BTD: variants seen among roughly 807,000 people sequenced by gnomAD.
BTD encodes the protein biotinidase, also known as biocytinase.
BTD carries 13 observed loss-of-function variants against 17.7 expected under a neutral mutation model. That is an observed-to-expected ratio of 0.74 (90% CI 0.48 to 1.17). The LOEUF (loss-of-function observed/expected upper bound fraction) is 1.17. Ranked by LOEUF, BTD falls within the 50% of genes most tolerant of loss-of-function variation. The pLI is 0.00. For synonymous variants in BTD, 240 were observed against 245.2 expected, an observed-to-expected ratio of 0.98 and a Z score of 0.20; for missense variants, 674 against 650.4, an observed-to-expected ratio of 1.04 and a Z score of -0.39.
At position 15,635,951 on chromosome 3, in the gene BTD, G is replaced by A. The variant is rs2065336852; in HGVS notation, c.249+263G>A. On this transcript the variant is annotated intron_variant, in intron 2 of 3. Coordinates refer to ENST00000643237, the MANE Select transcript of BTD (RefSeq NM_001370658.1). The surrounding 1 kb of genome is among the most constrained non-coding windows in gnomAD (Gnocchi z 4.1). ...CTACTGAATCAGAATGTGCATTGCA[G>A]CAGGATCCCCAGGTGATGCTTTCAC... Among the ~76,000 whole-genome samples, 1 of 152,218 alleles carries A rather than the reference G, an allele frequency of 6.6e-6. No homozygotes were observed. Among genetic ancestry groups the A allele is most frequent in the African/African-American group, 2.4e-5 (1 of 41,454 alleles).
downstream of BTD, among the ~76,000 whole-genome samples, chr3:15,657,503 A>T (rs199637320): frequency 2.7e-5 from 1 of 37,318 alleles, no homozygotes; most frequent in Non-Finnish European, 8.5e-5. Flanking sequence ...CCAGAGCTGT[A>T]TGTGAGCTAG....
In BTD at chr3:15,611,572, AT is replaced by A. The variant is rs562540451; in HGVS notation, c.-17+9680del. The stretch of plus-strand genomic sequence containing the variant: ...TGAGGGTGGAGAATGGGAGGGAATG[AT>A]TGTTTGATAACTATTTCTTCTATGA... On this transcript the variant is annotated intron_variant, in intron 1 of 3. Coordinates refer to ENST00000643237, the MANE Select transcript of BTD (RefSeq NM_001370658.1). Among the ~76,000 whole-genome samples, 132 of 152,274 alleles carry A rather than the reference AT, an allele frequency of 8.7e-4. 1 individual carries two copies. In the South Asian group the frequency reaches 0.026, roughly 30 times the overall value.
chr3:15,670,130 A>C (rs2066201389), intron 3 of BTD: 1 of 929,556 alleles, frequency 1.1e-6, no homozygotes, highest in East Asian at 2.7e-5. Flanking sequence ...CTTCCTCCTA[A>C]TGCCATCAGA....
chr3:15,614,476 T>C (rs1358067207), intron 1 of BTD, among the ~76,000 whole-genome samples: 2 of 152,134 alleles, frequency 1.3e-5, no homozygotes, highest in Non-Finnish European at 2.9e-5. Context: ...ATGTCTTCCA[T>C]GTCTCATCTT....
intron 4 of BTD, chr3:15,721,189 C>G (rs78257767): frequency 0.13 from 192,567 of 1,436,984 alleles, 14,019 homozygotes; most frequent in East Asian, 0.21. Flanking sequence ...ATGTTGTGAG[C>G]TATTTTAGCA....
At chr3:15,655,601 ATTG>A (rs2065863653), downstream of BTD, among the ~76,000 whole-genome samples, 1 of 152,212 alleles carries the variant, frequency 6.6e-6, no homozygotes, top group African/African-American at 2.4e-5. Context: ...TTGCTTTTAA[ATTG>A]TTGTGTGACC....
chr3:15,693,493 T>C (rs1306164618), intron 3 of BTD, among the ~76,000 whole-genome samples: 4 of 152,204 alleles, frequency 2.6e-5, no homozygotes, highest in Non-Finnish European at 4.4e-5. Context: ...TCCTAAAGAC[T>C]GCAGGGCTTT....
chr3:15,700,269 G>C (rs892579119), intron 3 of BTD, among the ~76,000 whole-genome samples: 11 of 152,140 alleles, frequency 7.2e-5, no homozygotes, highest in African/African-American at 2.7e-4. Flanking sequence ...GACACAGGGA[G>C]GGGAACATCA....
chr3:15,680,529 T>C (rs1193145558), intron 3 of BTD, among the ~76,000 whole-genome samples: 1 of 152,116 alleles, frequency 6.6e-6, no homozygotes. Flanking sequence ...TTTAATGTTC[T>C]GAAGAGCTTC....
chr3:15,713,627 A>C (rs1018719217), downstream of BTD: 4 of 1,605,328 alleles, frequency 2.5e-6, no homozygotes, highest in Non-Finnish European at 3.4e-6. Flanking sequence ...TTATCCTCAC[A>C]GTCGATTACA....
chr3:15,642,040 C>A lies in BTD; in HGVS notation c.382C>A (p.Arg128Ser). 1 of 1,614,126 alleles carries A rather than the reference C, an allele frequency of 6.2e-7. No homozygotes were observed. The highest frequency in any genetic ancestry group is 8.5e-7 in the Non-Finnish European group (1 of 1,180,006). ...GTGGAACCCATGCCTGGAGCCTCAC[C>A]GCTTCAATGACACAGAGGTGATTCC... ...VRWNPCLEPH[R>S]FNDTEVLQRL... Residue 128 changes from arginine (R) to serine (S), a missense_variant, in exon 3 of 4, where the codon CGC becomes AGC. Coordinates refer to ENST00000643237, the MANE Select transcript of BTD (RefSeq NM_001370658.1).
intron 3 of BTD, chr3:15,685,953 T>C: frequency 7.1e-7 from 1 of 1,405,960 alleles, no homozygotes; most frequent in Non-Finnish European, 1.0e-6. Context: ...TTCTAGGTAA[T>C]ATGAGGTCAT....
At chr3:15,712,164 A>T (rs755659001) in exon 4 of BTD, 1 of 1,582,758 alleles carries the variant, frequency 6.3e-7, no homozygotes, top group South Asian at 1.2e-5. Flanking sequence ...TTTCTGCAGC[A>T]ATCTGAAAAG....
In BTD at chr3:15,635,305, GC is replaced by G; in HGVS notation, c.-16-117del. 3.5e-6 allele frequency: 5 copies of G among 1,429,532 alleles called. No individual in the cohort carries two copies. The South Asian group carries it at 4.6e-5, about 13-fold the overall frequency. The allele number at this position is 1,429,532 out of a possible 1,614,324, so 88.6% of individuals were successfully genotyped here. A position where few individuals can be genotyped will look rare whatever the true frequency, so the allele number is the denominator to read the frequency against. The stretch of plus-strand genomic sequence containing the variant: ...TAGGAACATGAAACAAACTCTTTGA[GC>G]CGCAGTATCACTGCGAGTGAGTTTA... On this transcript the variant is annotated intron_variant, in intron 1 of 3. Coordinates refer to ENST00000643237, the MANE Select transcript of BTD (RefSeq NM_001370658.1). This position sits in a 1 kb window ranked among gnomAD's most constrained non-coding sequence, Gnocchi z 4.1.
rs376459788 is a variant in BTD at position 15,609,900 on chromosome 3, T to A, written c.-17+8006T>A. On this transcript the variant is annotated intron_variant, in intron 1 of 3. Coordinates refer to ENST00000643237, the MANE Select transcript of BTD (RefSeq NM_001370658.1). ...CTTCCTTATTTTTTTTTTAATTTTT[T>A]TATTTTTTTGGTAACTTGCTAAAGA... Among the ~76,000 whole-genome samples the A allele has an allele frequency of 7.2e-4, 109 of 152,196 alleles. 2 individuals are homozygous for A. In the East Asian group the frequency reaches 0.018, roughly 25 times the overall value.
At chr3:15,690,147 C>G (rs1181935304) in intron 3 of BTD, 2 of 1,609,430 alleles carry the variant, frequency 1.2e-6, no homozygotes, top group African/African-American at 2.7e-5. Context: ...TGTTCTTCCA[C>G]TACTATTTCT....
intron 2 of BTD, among the ~76,000 whole-genome samples, chr3:15,638,562 A>G (rs1222927545): frequency 6.6e-6 from 1 of 152,244 alleles, no homozygotes; most frequent in Non-Finnish European, 1.5e-5. Context: ...TTTTAAAACA[A>G]CTTCTAAGAC....
At chr3:15,711,978 G>A (rs1000618923) in exon 4 of BTD, among the ~76,000 whole-genome samples, 1 of 152,128 alleles carries the variant, frequency 6.6e-6, no homozygotes, top group East Asian at 1.9e-4. Context: ...TTACAGGCAT[G>A]AGCCACCACG....
chr3:15,683,704 G>A (rs1002426752), intron 3 of BTD: 7 of 152,098 alleles, frequency 4.6e-5, no homozygotes, highest in African/African-American at 1.7e-4. Flanking sequence ...TTTGGCATAA[G>A]GACTAATATG....
Sources: gnomAD v4.1 joint callset for allele counts (sites outside exome capture counted in the v4.1 genomes callset) on GRCh38, gnomAD v4.1.1 for gene constraint, Gnocchi (gnomAD v3.1) non-coding constraint, MANE v1.5 for transcripts, NCBI Gene and HGNC (gene_info 2026-07-23, HGNC 2026-07-21) for gene names.